USP24: variants seen among roughly 807,000 people sequenced by gnomAD.
USP24 encodes ubiquitin specific peptidase 24, also known as ubiquitin carboxyl-terminal hydrolase 24.
Under a neutral mutation model 361.6 loss-of-function variants are expected in USP24, and 97 were observed. The ratio of observed to expected loss-of-function variants is 0.27; its 90% CI spans 0.23 to 0.32. The LOEUF is 0.32. Ranked by LOEUF, USP24 falls within the 10% of genes least tolerant of loss-of-function variation. The pLI is 1.00. For missense variants in USP24, 2,353 were observed against 3,165.6 expected, an observed-to-expected ratio of 0.74 and a Z score of 6.16; for synonymous variants, 1,098 against 1,124.6, an observed-to-expected ratio of 0.98 and a Z score of 0.47.
At chr1:55,070,761 C>T (rs528461241) in intron 67 of USP24, among the ~76,000 whole-genome samples, 4 of 152,212 alleles carry the variant, frequency 2.6e-5, no homozygotes, top group South Asian at 2.1e-4. Flanking sequence ...GCTGAGACGT[C>T]GCTGGGAAGG....
At position 55,073,815 on chromosome 1, in the gene USP24, A is replaced by G. The variant is rs545142111; in HGVS notation, c.7526+13T>C. ...AACACCATTTCCTCCCTGCATTTTA[A>G]TTCAATACTTACTTTTGAGCAAGAG... is the stretch of plus-strand genomic sequence containing the variant. On this transcript the variant is annotated intron_variant, in intron 64 of 67. Transcript: ENST00000294383. 1 of 1,560,656 alleles carries G rather than the reference A, an allele frequency of 6.4e-7. No individual in the cohort carries two copies. The highest frequency in any genetic ancestry group is 8.7e-7 in the Non-Finnish European group (1 of 1,151,218).
chr1:55,083,755 G>C lies in USP24; in HGVS notation c.6882+17C>G. ...TCTTCTGTATTAGGAAAAGATATTA[G>C]GAAAAAAATTATTTACCTTTTGTAC... On this transcript the variant is annotated intron_variant, in intron 57 of 67. Coordinates refer to ENST00000294383, the MANE Select transcript of USP24 (RefSeq NM_015306.3). The C allele has an allele frequency of 7.8e-6, 12 of 1,537,724 alleles. No homozygotes were observed. Among genetic ancestry groups the C allele is most frequent in the Non-Finnish European group, 1.1e-5 (12 of 1,139,312 alleles).
Position 55,137,830 on chromosome 1 carries a change from T to C in USP24, c.3003A>G (p.Ile1001Met), listed in dbSNP as rs1031982700. 2.5e-6 allele frequency: 4 copies of C among 1,593,070 alleles called. No homozygotes were observed. Among genetic ancestry groups the C allele is most frequent in the Non-Finnish European group, 3.4e-6 (4 of 1,168,356 alleles). The change falls in exon 27 of 68, where the codon ATA (isoleucine) becomes ATG (methionine). Residue 1001 changes from isoleucine (I) to methionine (M), a missense_variant. Ile to Met is a conservative substitution (Grantham distance 10). Transcript: ENST00000294383. ...CCAGGCTATCATTTGTAAATATCTGTATATTATCCACAGGAGAGCACAACT... is the reference window on the plus strand; with the variant it reads ...CCAGGCTATCATTTGTAAATATCTGCATATTATCCACAGGAGAGCACAACT... Reference protein sequence around the residue: ...AKQLCSPVDNIQIFTNDSLLT... With the variant: ...AKQLCSPVDNMQIFTNDSLLT...
intron 28 of USP24, among the ~76,000 whole-genome samples, chr1:55,135,547 G>C (rs888947927): frequency 2.0e-5 from 3 of 152,152 alleles, no homozygotes; most frequent in Non-Finnish European, 4.4e-5. Flanking sequence ...AATGAATTTA[G>C]TGTTTGGATT....
chr1:55,097,755 G>A, intron 47 of USP24, 38 bp from the exon 48 acceptor site: 1 of 1,518,940 alleles, frequency 6.6e-7, no homozygotes, highest in South Asian at 1.3e-5. Flanking sequence ...AAATCTGAAT[G>A]ATCTCCATGG....
intron 36 of USP24, 74 bp from the exon 37 acceptor site, chr1:55,121,580 C>T: frequency 7.8e-7 from 1 of 1,286,972 alleles, no homozygotes. Flanking sequence ...TGATTAATTT[C>T]TTAAGCTCAA....
chr1:55,125,829 T>A, intron 32 of USP24, 71 bp from the exon 33 acceptor site: 3 of 1,285,334 alleles, frequency 2.3e-6, no homozygotes, highest in Non-Finnish European at 3.3e-6. Flanking sequence ...TTTCCATAAG[T>A]AATGTAATCA....
chr1:55,075,381 A>T, intron 63 of USP24, 76 bp downstream of exon 63: 1 of 1,370,954 alleles, frequency 7.3e-7, no homozygotes, highest in East Asian at 2.5e-5. Context: ...GAGTAGCAGG[A>T]GGCAGAACTG....
At chr1:55,212,266 T>C (rs756795378) in intron 1 of USP24, among the ~76,000 whole-genome samples, 3 of 152,220 alleles carry the variant, frequency 2.0e-5, no homozygotes, top group Admixed American at 6.5e-5. Flanking sequence ...CACCACATCA[T>C]TGCACAGTAG....
chr1:55,179,859 T>A (rs564331077), intron 1 of USP24, among the ~76,000 whole-genome samples: 2 of 152,334 alleles, frequency 1.3e-5, no homozygotes, highest in East Asian at 3.9e-4. Context: ...CTTCACCAGC[T>A]CCCTAACTGG....
chr1:55,207,318 A>T (rs1270751810), intron 1 of USP24, among the ~76,000 whole-genome samples: 1 of 152,136 alleles, frequency 6.6e-6, no homozygotes, highest in East Asian at 1.9e-4. Flanking sequence ...ACTGTTTATG[A>T]AAAGCTGGGT....
intron 60 of USP24, 150 bp from the exon 61 acceptor site, chr1:55,078,801 T>C (rs1645081190): frequency 5.3e-6 from 3 of 565,420 alleles, no homozygotes; most frequent in South Asian, 2.6e-5. Flanking sequence ...AGTCTATAGA[T>C]AGACTTCAGG....
chr1:55,119,265 A>G (rs933949442), intron 38 of USP24, among the ~76,000 whole-genome samples: 3 of 152,230 alleles, frequency 2.0e-5, no homozygotes, highest in Non-Finnish European at 4.4e-5. Context: ...GATTCATGCT[A>G]CAACATGAAT....
At position 55,100,943 on chromosome 1, in the gene USP24, C is replaced by T. The variant is rs1645618017; in HGVS notation, c.5167G>A (p.Asp1723Asn). 2 of 1,611,872 alleles carry T rather than the reference C, an allele frequency of 1.2e-6. No individual in the cohort carries two copies. Among genetic ancestry groups the T allele is most frequent in the East Asian group, 2.2e-5 (1 of 44,816 alleles). ...ACGCTATCATCTGGATTGTCTGTGT[C>T]ATCATCCACTGAAAGTAATGACTGC... ...LPESLLSVDD[D>N]TDNPDDSVFY... Residue 1723 changes from aspartate to asparagine, a missense_variant, in exon 44 of 68, where the codon GAC becomes AAC. Transcript: ENST00000294383.
Position 55,101,714 on chromosome 1 carries a change from G to C in USP24, c.5026-11C>G, listed in dbSNP as rs1473830328. On this transcript the variant is annotated splice_polypyrimidine_tract_variant and intron_variant, in intron 42 of 67. Coordinates refer to ENST00000294383, the MANE Select transcript of USP24 (RefSeq NM_015306.3). ...CACTGGGGGAAGGTACTGGAAAAGA[G>C]AGGAATAGAAACAGCAGAGGAGAAG... is the stretch of plus-strand genomic sequence containing the variant. 1 of 1,595,076 alleles carries C rather than the reference G, an allele frequency of 6.3e-7. No individual in the cohort carries two copies. The highest frequency in any genetic ancestry group is 8.5e-7 in the Non-Finnish European group (1 of 1,172,840).
intron 17 of USP24, 145 bp downstream of exon 17, chr1:55,148,318 T>C: frequency 1.8e-6 from 1 of 562,136 alleles, no homozygotes; most frequent in East Asian, 3.3e-5. Context: ...GAATGATGCT[T>C]AAACTCAAGA....
chr1:55,207,286 A>T (rs1187412667), intron 1 of USP24, among the ~76,000 whole-genome samples: 1 of 152,130 alleles, frequency 6.6e-6, no homozygotes. Flanking sequence ...AAGGGGAAAA[A>T]AAAAAAAAAA....
chr1:55,100,150 A>G (rs941756969), intron 44 of USP24, among the ~76,000 whole-genome samples: 2 of 152,214 alleles, frequency 1.3e-5, no homozygotes, highest in African/African-American at 2.4e-5. Context: ...ACCTATGGGG[A>G]AAAACACAAG....
At chr1:55,144,798 G>T (rs1296981364) in intron 20 of USP24, among the ~76,000 whole-genome samples, 2 of 152,088 alleles carry the variant, frequency 1.3e-5, no homozygotes, top group Non-Finnish European at 2.9e-5. Flanking sequence ...GCCAGGCATG[G>T]TGGCATGCGC....
Sources: gnomAD v4.1 joint callset for allele counts (sites outside exome capture counted in the v4.1 genomes callset) on GRCh38, gnomAD v4.1.1 for gene constraint, MANE v1.5 for transcripts, NCBI Gene and HGNC (gene_info 2026-07-23, HGNC 2026-07-21) for gene names.